KANSL1L: variants seen among roughly 807,000 people sequenced by gnomAD.
KANSL1L encodes the protein KAT8 regulatory NSL complex subunit 1 like.
Under a neutral mutation model 108.6 loss-of-function variants are expected in KANSL1L, and 25 were observed. The observed-to-expected ratio is 0.23, with a 90% CI of 0.17 to 0.32. KANSL1L has a LOEUF of 0.32. Among genes scored for constraint, KANSL1L ranks in the 10% least tolerant of loss-of-function variants. KANSL1L has a pLI of 1.00. For synonymous variants in KANSL1L, 405 were observed against 395.1 expected, an observed-to-expected ratio of 1.03 and a Z score of -0.30; for missense variants, 1,137 against 1,125.7, an observed-to-expected ratio of 1.01 and a Z score of -0.14.
At chr2:210,138,960 G>A (rs2095201556) in intron 2 of KANSL1L, among the ~76,000 whole-genome samples, 2 of 152,010 alleles carry the variant, frequency 1.3e-5, no homozygotes, top group African/African-American at 2.4e-5. Context: ...ATAGCCAGGT[G>A]TGGTGGCAGG....
chr2:210,029,793 A>T lies in KANSL1L; in HGVS notation c.2271+10T>A. ...AGCTATTTTAGAGTTCAACATATGGAAAAACCTACTCGTGATGAATTCTGG... is the reference window on the plus strand; with the variant it reads ...AGCTATTTTAGAGTTCAACATATGGTAAAACCTACTCGTGATGAATTCTGG... On this transcript the variant is annotated intron_variant, in intron 10 of 14. Coordinates refer to ENST00000281772, the MANE Select transcript of KANSL1L (RefSeq NM_152519.4). The T allele has an allele frequency of 7.1e-7, 1 of 1,408,860 alleles. No homozygotes were observed. The highest frequency in any genetic ancestry group is 9.9e-7 in the Non-Finnish European group (1 of 1,007,432). 87.3% of individuals were successfully genotyped at this position (1,408,860 alleles called of 1,614,324 possible).
intron 5 of KANSL1L, chr2:210,097,188 G>C: frequency 4.6e-6 from 4 of 877,308 alleles, no homozygotes; most frequent in Non-Finnish European, 5.5e-6. Flanking sequence ...CATGAAATCT[G>C]CCCACCTCAG....
intron 6 of KANSL1L, among the ~76,000 whole-genome samples, chr2:210,047,918 C>T (rs2094243290): frequency 6.6e-6 from 1 of 152,174 alleles, no homozygotes; most frequent in South Asian, 2.1e-4. Context: ...GGTTGCAGCC[C>T]TAGTATGATT....
chr2:210,149,990 G>C (rs777009238), intron 2 of KANSL1L, among the ~76,000 whole-genome samples: 1 of 151,838 alleles, frequency 6.6e-6, no homozygotes, highest in African/African-American at 2.4e-5. Flanking sequence ...TTATTGATTT[G>C]TATAGATCAG....
intron 13 of KANSL1L, among the ~76,000 whole-genome samples, chr2:210,024,416 G>A (rs1480031404): frequency 1.3e-5 from 2 of 152,142 alleles, no homozygotes; most frequent in Non-Finnish European, 2.9e-5. Context: ...TATAACAGTT[G>A]TGGGGGGAGG....
chr2:210,110,388 G>A (rs539665012), intron 3 of KANSL1L, among the ~76,000 whole-genome samples: 4 of 152,152 alleles, frequency 2.6e-5, no homozygotes, highest in Admixed American at 1.3e-4. Flanking sequence ...ATAAAGTGTA[G>A]AGAGAGGCAG....
At chr2:210,119,810 G>C (rs2094996867) in intron 3 of KANSL1L, among the ~76,000 whole-genome samples, 1 of 152,144 alleles carries the variant, frequency 6.6e-6, no homozygotes, top group African/African-American at 2.4e-5. Context: ...TATAATACTG[G>C]AAAGTTGTAG....
At chr2:210,096,717 C>G (rs923594246) in intron 5 of KANSL1L, 1 of 957,084 alleles carries the variant, frequency 1.0e-6, no homozygotes, top group Non-Finnish European at 1.2e-6. Flanking sequence ...TCATAGTTAT[C>G]CTATACAATA....
chr2:210,062,374 G>C (rs948889689), intron 6 of KANSL1L, among the ~76,000 whole-genome samples: 9 of 152,194 alleles, frequency 5.9e-5, no homozygotes, highest in Non-Finnish European at 2.9e-5. Context: ...GTCTTTATCA[G>C]CAGTGTGAAA....
intron 6 of KANSL1L, among the ~76,000 whole-genome samples, chr2:210,047,299 TGTA>T (rs1405524097): frequency 6.6e-6 from 1 of 152,204 alleles, no homozygotes; most frequent in Non-Finnish European, 1.5e-5. Flanking sequence ...CAGTTCCTCT[TGTA>T]GTCATTTCTT....
chr2:210,119,149 A>G (rs1027709200), intron 3 of KANSL1L, among the ~76,000 whole-genome samples: 9 of 151,858 alleles, frequency 5.9e-5, no homozygotes, highest in African/African-American at 2.2e-4. Flanking sequence ...GCACCACTGC[A>G]CTCCAGCCTG....
At chr2:210,040,888 C>T (rs1382903230) in intron 7 of KANSL1L, among the ~76,000 whole-genome samples, 1 of 152,002 alleles carries the variant, frequency 6.6e-6, no homozygotes, top group Non-Finnish European at 1.5e-5. Context: ...TTAAGAAAAC[C>T]TACACCCAAA....
At chr2:210,170,897 C>G (rs879745350) in intron 1 of KANSL1L, among the ~76,000 whole-genome samples, 9 of 139,104 alleles carry the variant, frequency 6.5e-5, no homozygotes, top group Admixed American at 1.5e-4. Context: ...TAGACCCCTT[C>G]CCTCCCCAGC....
chr2:210,097,665 T>A (rs996874634), intron 5 of KANSL1L, among the ~76,000 whole-genome samples: 1 of 152,176 alleles, frequency 6.6e-6, no homozygotes, highest in African/African-American at 2.4e-5. Context: ...GATTAAAACT[T>A]AAGCTGAATC....
intron 3 of KANSL1L, among the ~76,000 whole-genome samples, chr2:210,113,856 A>G (rs1164218090): frequency 6.6e-6 from 1 of 152,194 alleles, no homozygotes; most frequent in Non-Finnish European, 1.5e-5. Context: ...AATGAACTTG[A>G]AGCCAGGACA....
intron 2 of KANSL1L, chr2:210,152,985 A>G (rs189919024): frequency 6.6e-6 from 1 of 152,396 alleles, no homozygotes; most frequent in Non-Finnish European, 1.5e-5. Context: ...TTTATTTTTA[A>G]ATAGTATGTA....
chr2:210,038,351 G>C (rs1026640320), intron 8 of KANSL1L, among the ~76,000 whole-genome samples: 46 of 152,058 alleles, frequency 3.0e-4, no homozygotes, highest in African/African-American at 1.1e-3. Context: ...AAAATACGTA[G>C]TTTAAACGCC....
intron 5 of KANSL1L, among the ~76,000 whole-genome samples, chr2:210,094,492 A>C (rs1276513651): frequency 1.3e-5 from 2 of 152,116 alleles, no homozygotes; most frequent in African/African-American, 4.8e-5. Flanking sequence ...GCAAGATATA[A>C]GAAATAAAAT....
intron 12 of KANSL1L, chr2:210,026,348 A>G (rs1168775057): frequency 3.3e-5 from 5 of 152,210 alleles, no homozygotes; most frequent in Non-Finnish European, 5.9e-5. Context: ...ATCTTGATAT[A>G]ATTTTATCCA....
Sources: gnomAD v4.1 joint callset for allele counts (sites outside exome capture counted in the v4.1 genomes callset) on GRCh38, gnomAD v4.1.1 for gene constraint, MANE v1.5 for transcripts, NCBI Gene and HGNC (gene_info 2026-07-23, HGNC 2026-07-21) for gene names.